NXPH1: variants seen among roughly 807,000 people sequenced by gnomAD.
NXPH1 encodes the protein neurexophilin-1.
NXPH1 carries 5 observed loss-of-function variants against 23.7 expected under a neutral mutation model. That is an observed-to-expected ratio of 0.21 (90% confidence interval 0.11 to 0.44). NXPH1 has a LOEUF of 0.44. NXPH1 is among the 20% of genes least tolerant of loss of function. The probability of loss-of-function intolerance (pLI) is 0.99; values close to 1 mark genes in which losing one functional copy is unlikely to be tolerated. For missense variants in NXPH1, 324 were observed against 321.6 expected (o/e 1.01, Z -0.06); for synonymous variants, 144 against 122.2 (o/e 1.18, Z -1.18).
At chr7:8,593,513 T>C (rs10226547) in intron 2 of NXPH1, among the ~76,000 whole-genome samples, 60,013 of 151,826 alleles carry the variant, frequency 0.4, 14,691 homozygotes, top group African/African-American at 0.7. Context: ...CCCCCTAGTC[T>C]CCTGAACCAT....
chr7:8,735,401 G>C (rs878970577), intron 2 of NXPH1, among the ~76,000 whole-genome samples: 5 of 152,148 alleles, frequency 3.3e-5, no homozygotes, highest in South Asian at 2.1e-4. Context: ...TAATCATGTG[G>C]TTTTTGTCAT....
intron 2 of NXPH1, among the ~76,000 whole-genome samples, chr7:8,693,174 G>A (rs926270732): frequency 5.9e-5 from 9 of 152,058 alleles, no homozygotes; most frequent in South Asian, 4.2e-4. Flanking sequence ...AACCCCCGCC[G>A]CCAAAACAAA....
chr7:8,545,374 A>G (rs1818183928), intron 2 of NXPH1, among the ~76,000 whole-genome samples: 1 of 151,542 alleles, frequency 6.6e-6, no homozygotes, highest in Non-Finnish European at 1.5e-5. Flanking sequence ...GTTGCTCAAA[A>G]TAAAATATTT....
At chr7:8,482,341 C>T (rs1410603246) in intron 2 of NXPH1, among the ~76,000 whole-genome samples, 2 of 152,142 alleles carry the variant, frequency 1.3e-5, no homozygotes, top group African/African-American at 4.8e-5. Flanking sequence ...CATCCATTTC[C>T]CACACAGTCA....
At chr7:8,670,484 G>C (rs1420715533) in intron 2 of NXPH1, among the ~76,000 whole-genome samples, 1 of 152,156 alleles carries the variant, frequency 6.6e-6, no homozygotes, top group Non-Finnish European at 1.5e-5. Context: ...ACTATTGTCT[G>C]AATTATCCAA....
intron 2 of NXPH1, among the ~76,000 whole-genome samples, chr7:8,732,983 C>G (rs889311779): frequency 6.6e-6 from 1 of 151,956 alleles, no homozygotes; most frequent in Admixed American, 6.6e-5. Flanking sequence ...ACCCATCAAC[C>G]CATCATCTAC....
intron 2 of NXPH1, among the ~76,000 whole-genome samples, chr7:8,688,067 C>G (rs917598192): frequency 5.3e-5 from 8 of 152,018 alleles, no homozygotes; most frequent in South Asian, 2.1e-4. Flanking sequence ...TGTATAAATG[C>G]AATCATTATG....
intron 2 of NXPH1, among the ~76,000 whole-genome samples, chr7:8,559,116 C>T (rs73050689): frequency 0.056 from 8,497 of 151,572 alleles, 299 homozygotes; most frequent in Middle Eastern, 0.1. Context: ...AGGTACCATG[C>T]ATGGCTGATT....
intron 2 of NXPH1, among the ~76,000 whole-genome samples, chr7:8,667,369 ATATT>A (rs375644588): frequency 0.63 from 95,893 of 151,210 alleles, 31,284 homozygotes; most frequent in Middle Eastern, 0.76. Context: ...AATTTCCCAA[ATATT>A]TGTTTTGTTT....
At chr7:8,613,618 C>T (rs1452570258) in intron 2 of NXPH1, among the ~76,000 whole-genome samples, 2 of 151,854 alleles carry the variant, frequency 1.3e-5, no homozygotes, top group Non-Finnish European at 2.9e-5. Context: ...GGACCAGCAA[C>T]CATTATCTAT....
At position 8,550,078 on chromosome 7, in the gene NXPH1, C is replaced by G. The variant is rs534570942; in HGVS notation, c.54+114311C>G. On this transcript the variant is annotated intron_variant, in intron 2 of 2. Coordinates refer to ENST00000405863, the MANE Select transcript of NXPH1 (RefSeq NM_152745.3). The stretch of plus-strand genomic sequence containing the variant: ...CAACCCAATTTTTAAATAGGAGAAA[C>G]CACCAATAGGTAGTTATAAAACTTG... Among the ~76,000 whole-genome samples the G allele has an allele frequency of 3.3e-5, 5 of 151,626 alleles. No homozygotes were observed. The East Asian group carries it at 9.8e-4, about 30-fold the overall frequency.
chr7:8,746,763 G>T (rs200190247), intron 2 of NXPH1, among the ~76,000 whole-genome samples: 1 of 151,922 alleles, frequency 6.6e-6, no homozygotes, highest in East Asian at 1.9e-4. Flanking sequence ...AAGTACAAAT[G>T]TTGCAAAGCA....
Position 8,751,091 on chromosome 7 carries a change from G to C in NXPH1, c.138G>C (p.Trp46Cys), listed in dbSNP as rs1780557230. ...GCAAATCCACACTAAAGCACATATG[G>C]ACAGAAAGCAGCAAAGACTTGTCTA... ...GSSKSTLKHI[W>C]TESSKDLSIS... The change falls in exon 3 of 3, where the codon TGG becomes TGC. Residue 46 changes from tryptophan (W) to cysteine (C), a missense_variant. Coordinates refer to ENST00000405863, the MANE Select transcript of NXPH1 (RefSeq NM_152745.3). The surrounding 1 kb of genome is among the most constrained non-coding windows in gnomAD (Gnocchi z 4.5). 6.2e-7 allele frequency: 1 copy of C among 1,613,764 alleles called. No individual in the cohort carries two copies. Among genetic ancestry groups the C allele is most frequent in the Non-Finnish European group, 8.5e-7 (1 of 1,179,770 alleles).
At chr7:8,713,854 G>A (rs1447702593) in intron 2 of NXPH1, among the ~76,000 whole-genome samples, 1 of 152,176 alleles carries the variant, frequency 6.6e-6, no homozygotes, top group Admixed American at 6.5e-5. Context: ...CTGGAGCTTG[G>A]GAAGGGGTGA....
At chr7:8,654,483 T>C (rs1820541869) in intron 2 of NXPH1, among the ~76,000 whole-genome samples, 1 of 152,186 alleles carries the variant, frequency 6.6e-6, no homozygotes, top group African/African-American at 2.4e-5. Context: ...AAAAGTGCAT[T>C]ATCATATAGT....
chr7:8,683,513 C>T (rs1821090981), intron 2 of NXPH1, among the ~76,000 whole-genome samples: 1 of 152,174 alleles, frequency 6.6e-6, no homozygotes, highest in Non-Finnish European at 1.5e-5. Context: ...TGCAGTACTA[C>T]AGTGGTTGGT....
chr7:8,448,859 C>T (rs555055830), intron 2 of NXPH1, among the ~76,000 whole-genome samples: 134 of 146,454 alleles, frequency 9.1e-4, no homozygotes, highest in African/African-American at 3.2e-3. Context: ...TCTACAGCAA[C>T]TAGCGAATTG....
chr7:8,528,259 T>G (rs139229115), intron 2 of NXPH1, among the ~76,000 whole-genome samples: 87 of 152,352 alleles, frequency 5.7e-4, no homozygotes, highest in African/African-American at 2.0e-3. Flanking sequence ...TGGCACAGAT[T>G]GTGCCCTTCT....
At chr7:8,598,935 T>G (rs1819292680) in intron 2 of NXPH1, among the ~76,000 whole-genome samples, 1 of 152,202 alleles carries the variant, frequency 6.6e-6, no homozygotes, top group Non-Finnish European at 1.5e-5. Context: ...GCAAAGTGTC[T>G]CTTTGAGACA....
Sources: gnomAD v4.1 joint callset for allele counts (sites outside exome capture counted in the v4.1 genomes callset) on GRCh38, gnomAD v4.1.1 for gene constraint, Gnocchi (gnomAD v3.1) non-coding constraint, MANE v1.5 for transcripts, NCBI Gene and HGNC (gene_info 2026-07-23, HGNC 2026-07-21) for gene names.